NTM: variants seen among roughly 807,000 people sequenced by gnomAD.
NTM encodes the protein neurotrimin.
In NTM, 13 loss-of-function variants were observed where a neutral mutation model predicts 42.1. That is an observed-to-expected ratio of 0.31 (90% confidence interval 0.20 to 0.49). The LOEUF is 0.49. Ranked by LOEUF, NTM falls within the 20% of genes least tolerant of loss-of-function variation. The probability of loss-of-function intolerance (pLI) is 0.99; values close to 1 mark genes in which losing one functional copy is unlikely to be tolerated. For synonymous variants in NTM, 187 were observed against 179.2 expected, an observed-to-expected ratio of 1.04 and a Z score of -0.35; for missense variants, 373 against 452.8, an observed-to-expected ratio of 0.82 and a Z score of 1.60.
Position 131,644,800 on chromosome 11 carries a change from A to T in NTM, c.83-266764A>T, listed in dbSNP as rs978160399. ...GCCAATTTGGGTAAGAAGGGAATTT[A>T]GTTTTGTTTTGTTTTGTTTTGTTTT... On this transcript the variant is annotated intron_variant, in intron 1 of 8. Coordinates refer to ENST00000683400, the MANE Select transcript of NTM (RefSeq NM_001352005.2). 1.8e-4 allele frequency among the ~76,000 whole-genome samples: 27 copies of T among 151,668 alleles called. No individual in the cohort carries two copies. In the East Asian group the frequency reaches 3.9e-3, roughly 22 times the overall value.
intron 1 of NTM, among the ~76,000 whole-genome samples, chr11:131,785,991 G>T (rs530402121): frequency 1.3e-5 from 2 of 152,270 alleles, no homozygotes; most frequent in East Asian, 3.9e-4. Flanking sequence ...TGGAAAGGAA[G>T]GTGTCATTCT....
At chr11:131,669,958 C>T (rs565796585) in intron 1 of NTM, among the ~76,000 whole-genome samples, 1 of 152,304 alleles carries the variant, frequency 6.6e-6, no homozygotes, top group Non-Finnish European at 1.5e-5. Context: ...TGCTGGCACT[C>T]TCCGGAGCCT....
intron 2 of NTM, among the ~76,000 whole-genome samples, chr11:132,033,971 C>G (rs1269212393): frequency 6.6e-6 from 1 of 152,086 alleles, no homozygotes; most frequent in African/African-American, 2.4e-5. Context: ...TTTAGAAAGA[C>G]CTTAAAGATC....
intron 2 of NTM, among the ~76,000 whole-genome samples, chr11:132,048,393 T>C (rs903203427): frequency 1.3e-5 from 2 of 152,194 alleles, no homozygotes; most frequent in East Asian, 1.9e-4. Context: ...GTGTGGGGAA[T>C]TGTTAAGTCA....
chr11:132,110,832 C>T (rs150648126), intron 2 of NTM, among the ~76,000 whole-genome samples: 42 of 151,394 alleles, frequency 2.8e-4, no homozygotes, highest in East Asian at 1.6e-3. Flanking sequence ...CTCAGATGTT[C>T]GAGACCAGCC....
chr11:132,332,093 A>C (rs1030193748), intron 8 of NTM, among the ~76,000 whole-genome samples: 1 of 152,246 alleles, frequency 6.6e-6, no homozygotes, highest in Non-Finnish European at 1.5e-5. Flanking sequence ...CGCATAAAGA[A>C]TAAATTCCAG....
chr11:132,213,732 T>TGACACTGTAACTGTGAACAAGGGGTC (rs1592264155), intron 4 of NTM, among the ~76,000 whole-genome samples: 9 of 96,936 alleles, frequency 9.3e-5, no homozygotes, highest in South Asian at 3.5e-4. Context: ...CCACCATTCT[T>TGACACTGTAACTGTGAACAAGGGGTC]TTTTTTTTTT....
intron 1 of NTM, among the ~76,000 whole-genome samples, chr11:131,759,989 G>T (rs1007690956): frequency 2.6e-5 from 4 of 152,116 alleles, no homozygotes; most frequent in Non-Finnish European, 4.4e-5. Context: ...ACCTAATTTT[G>T]AATTATTAAA....
intron 4 of NTM, among the ~76,000 whole-genome samples, chr11:132,233,595 T>C (rs2088111319): frequency 6.6e-6 from 1 of 152,234 alleles, no homozygotes; most frequent in Admixed American, 6.5e-5. Context: ...TGTCATTGTC[T>C]CTAAATAAAG....
chr11:132,233,381 C>A (rs551964246), intron 4 of NTM, among the ~76,000 whole-genome samples: 21 of 152,240 alleles, frequency 1.4e-4, no homozygotes, highest in African/African-American at 4.8e-4. Flanking sequence ...GACCGCGCCA[C>A]TGCACTACAG....
At chr11:132,160,344 C>T (rs571712922) in intron 3 of NTM, among the ~76,000 whole-genome samples, 1 of 152,330 alleles carries the variant, frequency 6.6e-6, no homozygotes, top group Non-Finnish European at 1.5e-5. Flanking sequence ...TCAGCCTTGG[C>T]CACAGCACTG....
chr11:131,704,767 C>G (rs1221755207), intron 1 of NTM, among the ~76,000 whole-genome samples: 1 of 151,994 alleles, frequency 6.6e-6, no homozygotes, highest in East Asian at 1.9e-4. Flanking sequence ...ATAATAAGTT[C>G]AACAAAAAGA....
chr11:132,118,453 T>G (rs1405349902), intron 2 of NTM, among the ~76,000 whole-genome samples: 1 of 152,180 alleles, frequency 6.6e-6, no homozygotes, highest in African/African-American at 2.4e-5. Flanking sequence ...AATCTTGACT[T>G]TGCAAGGAAG....
intron 2 of NTM, among the ~76,000 whole-genome samples, chr11:132,100,365 C>G (rs956893684): frequency 2.0e-5 from 3 of 152,178 alleles, no homozygotes; most frequent in African/African-American, 7.2e-5. Context: ...TTAGCCAGCA[C>G]CACTATGATC....
At chr11:131,909,732 A>G (rs376023886) in intron 1 of NTM, 1 of 152,392 alleles carries the variant, frequency 6.6e-6, no homozygotes, top group Admixed American at 6.5e-5. Context: ...AGAAATAATA[A>G]TACAGGCACA....
At chr11:131,471,826 C>A (rs553578382) in intron 1 of NTM, among the ~76,000 whole-genome samples, 1 of 152,170 alleles carries the variant, frequency 6.6e-6, no homozygotes, top group Non-Finnish European at 1.5e-5. Context: ...GGATTTACTC[C>A]GATCACCAGC....
intron 1 of NTM, among the ~76,000 whole-genome samples, chr11:131,752,622 A>T (rs1031368192): frequency 1.9e-4 from 29 of 152,204 alleles, no homozygotes; most frequent in Admixed American, 1.9e-3. Context: ...CACAATAGCA[A>T]AGACTTGGAA....
chr11:132,334,973 C>G, intron 8 of NTM, 73 bp from the exon 9 acceptor site: 4 of 1,571,922 alleles, frequency 2.5e-6, no homozygotes, highest in Non-Finnish European at 3.4e-6. Context: ...CAAATGACAG[C>G]AGACCAGGCA....
intron 1 of NTM, among the ~76,000 whole-genome samples, chr11:131,707,391 A>G (rs2076697216): frequency 6.6e-6 from 1 of 152,070 alleles, no homozygotes; most frequent in South Asian, 2.1e-4. Flanking sequence ...TTATTCATTC[A>G]TCCATTGATG....
Sources: gnomAD v4.1 joint callset for allele counts (sites outside exome capture counted in the v4.1 genomes callset) on GRCh38, gnomAD v4.1.1 for gene constraint, MANE v1.5 for transcripts, NCBI Gene and HGNC (gene_info 2026-07-23, HGNC 2026-07-21) for gene names.